Variants in USP38 observed in about 807,000 individuals in gnomAD.
USP38 encodes ubiquitin carboxyl-terminal hydrolase 38.
Under a neutral mutation model 94.3 loss-of-function variants are expected in USP38, and 49 were observed. The observed-to-expected ratio is 0.52, with a 90% confidence interval of 0.41 to 0.66. The LOEUF (loss-of-function observed/expected upper bound fraction) is 0.66, where lower values mean the gene tolerates loss of function less well. Ranked by LOEUF, USP38 falls within the 30% of genes least tolerant of loss-of-function variation. The pLI is 0.00. For missense variants in USP38, 1,128 were observed against 1,229.4 expected (o/e 0.92, Z 1.23); for synonymous variants, 468 against 463.6 (o/e 1.01, Z -0.12).
Position 143,203,514 on chromosome 4 carries a change from A to G in USP38, c.1157A>G (p.Tyr386Cys), listed in dbSNP as rs747062646. ...ACAGAATTGATACACTGTATGATGT[A>G]TCATTATTCTGGATTTCCAGATCTC... is the stretch of plus-strand genomic sequence containing the variant. ...QLTELIHCMM[Y>C]HYSGFPDLYE... Residue 386 changes from tyrosine (Y) to cysteine (C), a missense_variant, in exon 5 of 10, where the codon TAT becomes TGT. By Grantham distance (194) the Tyr-to-Cys change is radical. Transcript: ENST00000307017. 25 of 1,612,882 alleles carry G rather than the reference A, an allele frequency of 1.6e-5. No individual in the cohort carries two copies. The South Asian group carries it at 1.8e-4, about 11-fold the overall frequency.
chr4:143,185,214 C>G lies in USP38; in HGVS notation c.-237C>G. 1 of 494,504 alleles carries G rather than the reference C, an allele frequency of 2.0e-6. No individual in the cohort carries two copies. Among genetic ancestry groups the G allele is most frequent in the Non-Finnish European group, 3.5e-6 (1 of 282,936 alleles). The allele number at this position is 494,504 out of a possible 1,614,324, so 30.6% of individuals were successfully genotyped here. On this transcript the variant is annotated 5_prime_UTR_variant, in exon 1 of 10. Coordinates refer to ENST00000307017, the MANE Select transcript of USP38 (RefSeq NM_032557.6). Reference sequence around the variant, plus strand: ...GCGGCGGAGTACGGGCCTCTGGCGCCTTAGGCCAGCCGCAGGTGTCGGTTC... The same window carrying G: ...GCGGCGGAGTACGGGCCTCTGGCGCGTTAGGCCAGCCGCAGGTGTCGGTTC...
chr4:143,192,285 C>T (rs1467791012), intron 2 of USP38, among the ~76,000 whole-genome samples: 3 of 152,034 alleles, frequency 2.0e-5, no homozygotes, highest in African/African-American at 7.2e-5. Context: ...ATTTATTTCC[C>T]ACAGTTCTGG....
chr4:143,204,859 A>C (rs188128812), intron 5 of USP38, among the ~76,000 whole-genome samples: 113 of 152,332 alleles, frequency 7.4e-4, no homozygotes, highest in African/African-American at 2.5e-3. Flanking sequence ...CTGAATTTCA[A>C]CATAAAGGTC....
chr4:143,189,544 T>C (rs1459832074), intron 2 of USP38, among the ~76,000 whole-genome samples: 1 of 152,096 alleles, frequency 6.6e-6, no homozygotes, highest in Non-Finnish European at 1.5e-5. Context: ...CTGGGGACTT[T>C]GATTTTCTCC....
chr4:143,222,960 A>G lies in USP38; in HGVS notation c.*2504A>G, dbSNP rs571955356. On this transcript the variant is annotated 3_prime_UTR_variant, in exon 10 of 10. Transcript: ENST00000307017. ...TGTTTTTCTTTCCTTAGTCAGAGTA[A>G]TCAGTTTAAATGAAGTTGCTCATTG... 8 of 152,240 alleles carry G rather than the reference A, an allele frequency of 5.3e-5. No individual in the cohort carries two copies. The East Asian group carries it at 1.4e-3, about 26-fold the overall frequency. 9.4% of individuals were successfully genotyped at this position (152,240 alleles called of 1,614,324 possible). A position where few individuals can be genotyped will look rare whatever the true frequency, so the allele number is the denominator to read the frequency against.
At chr4:143,217,431 A>G (rs1037005195) in intron 9 of USP38, among the ~76,000 whole-genome samples, 20 of 152,140 alleles carry the variant, frequency 1.3e-4, no homozygotes, top group African/African-American at 4.6e-4. Flanking sequence ...ATAGATTACT[A>G]TGTCTGGACT....
intron 2 of USP38, among the ~76,000 whole-genome samples, chr4:143,190,086 G>A (rs1337735760): frequency 6.6e-6 from 1 of 151,992 alleles, no homozygotes; most frequent in Non-Finnish European, 1.5e-5. Flanking sequence ...GCCGTATTTA[G>A]CAGCAGCACA....
At position 143,187,884 on chromosome 4, in the gene USP38, G is replaced by A. The variant is rs758493200; in HGVS notation, c.741G>A (p.Gln247=). 4 of 1,613,734 alleles carry A rather than the reference G, an allele frequency of 2.5e-6. No homozygotes were observed. The highest frequency in any genetic ancestry group is 3.4e-6 in the Non-Finnish European group (4 of 1,179,780). ...LASLVQHIPL[Q]MITVLIRSLT... Reference sequence around the variant, plus strand: ...GCCTTGTGCAGCATATTCCTCTTCAGATGATTACAGTTCTCATCAGGAGCC... The same window carrying A: ...GCCTTGTGCAGCATATTCCTCTTCAAATGATTACAGTTCTCATCAGGAGCC... The change falls in exon 2 of 10, where the codon CAG becomes CAA. Residue 247 remains glutamine, a synonymous_variant. Coordinates refer to ENST00000307017, the MANE Select transcript of USP38 (RefSeq NM_032557.6).
chr4:143,191,397 C>G (rs1731392804), intron 2 of USP38, among the ~76,000 whole-genome samples: 1 of 152,080 alleles, frequency 6.6e-6, no homozygotes, highest in Non-Finnish European at 1.5e-5. Context: ...GGAATCCAGT[C>G]TTGTTTTATC....
At chr4:143,215,310 C>T (rs1171023515) in intron 9 of USP38, 2 of 197,862 alleles carry the variant, frequency 1.0e-5, no homozygotes, top group Non-Finnish European at 2.1e-5. Context: ...GCCCTCAAGA[C>T]TTTTGTGTAA....
chr4:143,215,027 C>T, intron 9 of USP38, 84 bp downstream of exon 9: 1 of 1,331,718 alleles, frequency 7.5e-7, no homozygotes, highest in East Asian at 2.5e-5. Context: ...TGAAATCTAA[C>T]ATGAGTTTTT....
At chr4:143,217,236 G>A (rs1732208685) in intron 9 of USP38, among the ~76,000 whole-genome samples, 1 of 152,108 alleles carries the variant, frequency 6.6e-6, no homozygotes, top group Non-Finnish European at 1.5e-5. Context: ...CTGTTATGTG[G>A]ATGCACATGT....
At chr4:143,205,928 G>A in intron 5 of USP38, 105 bp from the exon 6 acceptor site, 1 of 845,696 alleles carries the variant, frequency 1.2e-6, no homozygotes, top group Non-Finnish European at 1.7e-6. Context: ...GGAAAAGAAA[G>A]TTCAAATGTC....
intron 2 of USP38, among the ~76,000 whole-genome samples, chr4:143,190,263 TA>T (rs1731358422): frequency 2.4e-4 from 6 of 25,436 alleles, no homozygotes; most frequent in Admixed American, 9.2e-4. Context: ...CATAGGGTAA[TA>T]GTAGCAGATT....
Position 143,185,189 on chromosome 4 carries a change from G to A in USP38, c.-262G>A. On this transcript the variant is annotated 5_prime_UTR_variant, in exon 1 of 10. Coordinates refer to ENST00000307017, the MANE Select transcript of USP38 (RefSeq NM_032557.6). The stretch of plus-strand genomic sequence containing the variant: ...TGAGTGGGATCGAGGGCCCGGGGCG[G>A]CGGCGGAGTACGGGCCTCTGGCGCC... The A allele has an allele frequency of 2.6e-6, 1 of 378,182 alleles. No individual in the cohort carries two copies. The highest frequency in any genetic ancestry group is 4.7e-6 in the Non-Finnish European group (1 of 210,932). 23.4% of individuals were successfully genotyped at this position (378,182 alleles called of 1,614,324 possible). A position where few individuals can be genotyped will look rare whatever the true frequency, so the allele number is the denominator to read the frequency against.
At chr4:143,199,717 A>C (rs1252372435) in intron 4 of USP38, among the ~76,000 whole-genome samples, 1 of 151,916 alleles carries the variant, frequency 6.6e-6, no homozygotes, top group African/African-American at 2.4e-5. Flanking sequence ...TTTGATTTGC[A>C]TTTCTCTGCT....
rs199872353 is a variant in USP38, at chr4:143,195,850, G to A, written c.948+5G>A. On this transcript the variant is annotated splice_donor_5th_base_variant and intron_variant, in intron 3 of 9. Coordinates refer to ENST00000307017, the MANE Select transcript of USP38 (RefSeq NM_032557.6). ...ACTTTGCTGAAAATAGAACTGGTAA[G>A]TGGGAGTATGGAAATCTATTAGAAT... 86 of 1,606,472 alleles carry A rather than the reference G, an allele frequency of 5.4e-5. No individual in the cohort carries two copies. The African/African-American group carries it at 1.1e-3, about 20-fold the overall frequency.
intron 5 of USP38, among the ~76,000 whole-genome samples, chr4:143,205,392 A>G (rs1445767710): frequency 1.3e-5 from 2 of 152,342 alleles, no homozygotes; most frequent in East Asian, 1.9e-4. Flanking sequence ...CATGCTTGAA[A>G]TAATTTACAC....
chr4:143,195,868 A>G (rs752036111), intron 3 of USP38, 23 bp downstream of exon 3: 100 of 1,594,180 alleles, frequency 6.3e-5, no homozygotes, highest in Non-Finnish European at 8.0e-5. Flanking sequence ...ATGGAAATCT[A>G]TTAGAATATA....
Sources: allele counts gnomAD v4.1 joint callset (sites outside exome capture counted in the v4.1 genomes callset), GRCh38; gene constraint gnomAD v4.1.1; transcripts MANE v1.5; gene names NCBI Gene and HGNC (gene_info 2026-07-23, HGNC 2026-07-21).